SLC10A7: variants seen among roughly 807,000 people sequenced by gnomAD.
The protein encoded by SLC10A7 is sodium/bile acid cotransporter 7.
SLC10A7 carries 29 observed loss-of-function variants against 43.2 expected under a neutral mutation model. The observed-to-expected ratio is 0.67, with a 90% CI of 0.50 to 0.92. The LOEUF (loss-of-function observed/expected upper bound fraction) is 0.92, where lower values mean the gene tolerates loss of function less well. Among genes scored for constraint, SLC10A7 ranks in the 40% least tolerant of loss-of-function variants. The pLI is 0.00. For missense variants in SLC10A7, 295 were observed against 403.2 expected (o/e 0.73, Z 2.30); for synonymous variants, 152 against 144.8 (o/e 1.05, Z -0.35).
At chr4:146,366,131 A>C (rs1409863946) in intron 5 of SLC10A7, among the ~76,000 whole-genome samples, 1 of 152,210 alleles carries the variant, frequency 6.6e-6, no homozygotes, top group Non-Finnish European at 1.5e-5. Flanking sequence ...TAGCTTCTAC[A>C]AAACCGGTCT....
chr4:146,298,122 G>A (rs928115545), intron 7 of SLC10A7, among the ~76,000 whole-genome samples: 4 of 152,130 alleles, frequency 2.6e-5, no homozygotes, highest in African/African-American at 9.7e-5. Flanking sequence ...TCCTTACTTT[G>A]TGATGTTGGG....
chr4:146,271,776 C>T (rs925959252), intron 10 of SLC10A7, among the ~76,000 whole-genome samples: 2 of 152,174 alleles, frequency 1.3e-5, no homozygotes, highest in African/African-American at 4.8e-5. Context: ...TGAGCTTCCT[C>T]CTCCTTCCTC....
chr4:146,273,354 G>A (rs1560752103), intron 10 of SLC10A7, among the ~76,000 whole-genome samples: 2 of 152,098 alleles, frequency 1.3e-5, no homozygotes, highest in African/African-American at 4.8e-5. Flanking sequence ...ACATCTAGAG[G>A]GCTGGGTGGT....
intron 5 of SLC10A7, among the ~76,000 whole-genome samples, chr4:146,332,533 T>C (rs1023064705): frequency 6.6e-6 from 1 of 152,164 alleles, no homozygotes; most frequent in Non-Finnish European, 1.5e-5. Flanking sequence ...ACCTCCTACC[T>C]TGCTCACTGT....
intron 5 of SLC10A7, among the ~76,000 whole-genome samples, chr4:146,414,737 T>G (rs753356564): frequency 6.8e-6 from 1 of 146,128 alleles, no homozygotes; most frequent in Admixed American, 6.8e-5. Context: ...AAAAAAAAAC[T>G]CACTGAGAAA....
intron 5 of SLC10A7, among the ~76,000 whole-genome samples, chr4:146,382,907 A>G (rs968051118): frequency 6.6e-6 from 1 of 151,606 alleles, no homozygotes; most frequent in African/African-American, 2.4e-5. Context: ...ATAGAATTAT[A>G]TCAGTATTGG....
intron 4 of SLC10A7, among the ~76,000 whole-genome samples, chr4:146,487,608 T>A (rs1001833877): frequency 6.6e-6 from 1 of 152,222 alleles, no homozygotes; most frequent in African/African-American, 2.4e-5. Context: ...GATGAAAGTG[T>A]CTTGAAGAAG....
intron 5 of SLC10A7, among the ~76,000 whole-genome samples, chr4:146,373,400 G>A (rs1252494285): frequency 1.3e-5 from 2 of 151,058 alleles, no homozygotes; most frequent in African/African-American, 4.9e-5. Flanking sequence ...CTTGAGCCCA[G>A]GAGATGGAGG....
At chr4:146,511,738 C>T (rs71614585) in intron 2 of SLC10A7, among the ~76,000 whole-genome samples, 99 of 152,048 alleles carry the variant, frequency 6.5e-4, no homozygotes, top group Non-Finnish European at 1.2e-3. Flanking sequence ...TGGGATCAGA[C>T]CTAAGAGAAA....
intron 5 of SLC10A7, among the ~76,000 whole-genome samples, chr4:146,349,040 T>C (rs1181920639): frequency 6.6e-6 from 1 of 152,188 alleles, no homozygotes; most frequent in African/African-American, 2.4e-5. Flanking sequence ...GAGAGTGTAA[T>C]TTAGCAAAAC....
chr4:146,361,332 C>T (rs1736034554), intron 5 of SLC10A7, among the ~76,000 whole-genome samples: 1 of 152,118 alleles, frequency 6.6e-6, no homozygotes, highest in East Asian at 1.9e-4. Flanking sequence ...AATCAAAATG[C>T]AAAATAAACC....
intron 5 of SLC10A7, among the ~76,000 whole-genome samples, chr4:146,438,701 T>C (rs984917970): frequency 3.9e-5 from 6 of 152,034 alleles, no homozygotes; most frequent in African/African-American, 1.4e-4. Flanking sequence ...CTTAGAGACA[T>C]GGAAACACTG....
intron 5 of SLC10A7, among the ~76,000 whole-genome samples, chr4:146,414,423 T>C (rs550680599): frequency 4.6e-5 from 7 of 152,186 alleles, no homozygotes; most frequent in African/African-American, 1.7e-4. Flanking sequence ...AGTTCACTAG[T>C]GTTCAGAACT....
intron 5 of SLC10A7, among the ~76,000 whole-genome samples, chr4:146,415,931 C>T (rs1196690586): frequency 6.6e-6 from 1 of 152,142 alleles, no homozygotes; most frequent in Non-Finnish European, 1.5e-5. Flanking sequence ...GAGGAAAGCT[C>T]CCTAGCCTCT....
chr4:146,382,018 A>T (rs1159198866), intron 5 of SLC10A7, among the ~76,000 whole-genome samples: 2 of 152,116 alleles, frequency 1.3e-5, no homozygotes, highest in Non-Finnish European at 2.9e-5. Context: ...TCCCAATCTT[A>T]GAGAAGGCAT....
chr4:146,442,893 T>C (rs1478597025), intron 4 of SLC10A7, 72 bp from the exon 5 acceptor site: 4 of 1,060,010 alleles, frequency 3.8e-6, no homozygotes, highest in Non-Finnish European at 5.5e-6. Context: ...AAGATTATCA[T>C]TCTCCCCTCC....
At chr4:146,315,973 G>C (rs1732297823) in intron 6 of SLC10A7, among the ~76,000 whole-genome samples, 1 of 151,810 alleles carries the variant, frequency 6.6e-6, no homozygotes, top group Admixed American at 6.6e-5. Context: ...TGAATACTTG[G>C]CATTGAAGAT....
rs939868469 is a variant in SLC10A7, at chr4:146,514,883, T to C, written c.183+2155A>G. 3.8e-5 allele frequency: 19 copies of C among 500,178 alleles called. 1 individual carries two copies. The highest frequency in any genetic ancestry group is 4.4e-4 in the Middle Eastern group (1 of 2,280). 31.0% of individuals were successfully genotyped at this position (500,178 alleles called of 1,614,324 possible). A position where few individuals can be genotyped will look rare whatever the true frequency, so the allele number is the denominator to read the frequency against. On this transcript the variant is annotated intron_variant, in intron 2 of 11. Coordinates refer to ENST00000335472, the MANE Select transcript of SLC10A7 (RefSeq NM_001029998.6). ...ACAATCTAGGACATCTTAAGTTATA[T>C]GGCTTTTGAAAATGACTTAATGTTG...
intron 4 of SLC10A7, among the ~76,000 whole-genome samples, chr4:146,445,400 C>T (rs1423939769): frequency 6.6e-6 from 1 of 152,102 alleles, no homozygotes; most frequent in Non-Finnish European, 1.5e-5. Context: ...TGGAACTGGC[C>T]GGTCGCACCT....
Sources: allele counts gnomAD v4.1 joint callset (sites outside exome capture counted in the v4.1 genomes callset), GRCh38; gene constraint gnomAD v4.1.1; transcripts MANE v1.5; gene names NCBI Gene and HGNC (gene_info 2026-07-23, HGNC 2026-07-21).